The following CMTM4 variants were observed in gnomAD, a reference collection of about 807,000 sequenced individuals.
CMTM4 encodes CKLF-like MARVEL transmembrane domain-containing protein 4.
A neutral mutation model predicts 19.0 loss-of-function variants in CMTM4; 8 were observed. The observed-to-expected ratio is 0.42, with a 90% confidence interval of 0.25 to 0.76. The LOEUF is 0.76. CMTM4 is among the 30% of genes least tolerant of loss of function. CMTM4 has a pLI of 0.27. For missense variants in CMTM4, 228 were observed against 290.2 expected, an observed-to-expected ratio of 0.79 and a Z score of 1.56; for synonymous variants, 106 against 121.1, an observed-to-expected ratio of 0.88 and a Z score of 0.82.
chr16:66,609,623 G>C, the CMTM4 span: 4 of 1,512,930 alleles, frequency 2.6e-6, no homozygotes, highest in Non-Finnish European at 2.7e-6. The surrounding 1 kb of genome is among the most constrained non-coding windows in gnomAD (Gnocchi z 4.4). Flanking sequence ...CCCTGCTGGG[G>C]CCCCCCTGGG....
chr16:66,618,741 G>A lies in CMTM4; in HGVS notation c.*3317C>T. ...CCACAGATGTAACTGCAAACTTGAAGAGAGTCAGAATGTTTTCAACTGAGT... is the reference window on the plus strand; with the variant it reads ...CCACAGATGTAACTGCAAACTTGAAAAGAGTCAGAATGTTTTCAACTGAGT... On this transcript the variant is annotated 3_prime_UTR_variant, in exon 4 of 4. Coordinates refer to ENST00000394106, the MANE Select transcript of CMTM4 (RefSeq NM_181521.3). 1.0e-6 allele frequency: 1 copy of A among 985,526 alleles called. No homozygotes were observed. 61.0% of individuals were successfully genotyped at this position (985,526 alleles called of 1,614,324 possible).
At chr16:66,610,045 G>C, downstream of CMTM4, 1 of 1,606,360 alleles carries the variant, frequency 6.2e-7, no homozygotes, top group South Asian at 1.1e-5. The surrounding 1 kb of genome is among the most constrained non-coding windows in gnomAD (Gnocchi z 4.6). Flanking sequence ...CTGCAACAGG[G>C]GCCTGCCCTC....
At chr16:66,673,210 CT>C (rs35208363) in intron 1 of CMTM4, among the ~76,000 whole-genome samples, 13,185 of 127,716 alleles carry the variant, frequency 0.1, 733 homozygotes, top group East Asian at 0.25. Flanking sequence ...CACACCCAGT[CT>C]TTTTTTTTTT....
chr16:66,694,941 G>T (rs2017204307), intron 1 of CMTM4, among the ~76,000 whole-genome samples: 1 of 152,114 alleles, frequency 6.6e-6, no homozygotes, highest in Non-Finnish European at 1.5e-5. Flanking sequence ...TTTCACCCAA[G>T]AGAGACATAA....
chr16:66,681,146 T>C (rs948925127), intron 1 of CMTM4, among the ~76,000 whole-genome samples: 69 of 152,112 alleles, frequency 4.5e-4, no homozygotes, highest in Non-Finnish European at 7.2e-4. Context: ...TCCTAGTACT[T>C]TGGGAGGCTG....
intron 1 of CMTM4, among the ~76,000 whole-genome samples, chr16:66,683,098 A>G (rs886778382): frequency 4.2e-5 from 6 of 143,856 alleles, no homozygotes; most frequent in Non-Finnish European, 9.0e-5. Context: ...TCCACCTCAA[A>G]TAGAGTCTAG....
intron 1 of CMTM4, among the ~76,000 whole-genome samples, chr16:66,655,006 G>A (rs1380635090): frequency 6.6e-6 from 1 of 151,946 alleles, no homozygotes. Flanking sequence ...GTTTCGGGGG[G>A]CTTTTTTGAG....
chr16:66,671,108 A>G (rs1339397436), intron 1 of CMTM4, among the ~76,000 whole-genome samples: 1 of 152,322 alleles, frequency 6.6e-6, no homozygotes, highest in African/African-American at 2.4e-5. Flanking sequence ...ACTGATATTT[A>G]TATTACAGAC....
Position 66,634,206 on chromosome 16 carries a change from G to A in CMTM4, c.363+2199C>T, listed in dbSNP as rs146423711. Among the ~76,000 whole-genome samples the A allele has an allele frequency of 8.3e-3, 1,270 of 152,276 alleles. 17 individuals carry two copies. Among genetic ancestry groups the A allele is most frequent in the African/African-American group, 0.029 (1,218 of 41,552 alleles). On this transcript the variant is annotated intron_variant, in intron 2 of 3. Transcript: ENST00000394106. Reference sequence around the variant, plus strand: ...TGTAATCCCAGCACTTTGGGAGGCTGAGGTGGGTGGATCACCTGAGGTCAG... The same window carrying A: ...TGTAATCCCAGCACTTTGGGAGGCTAAGGTGGGTGGATCACCTGAGGTCAG...
Position 66,617,226 on chromosome 16 carries a change from C to T in CMTM4, c.*4832G>A, listed in dbSNP as rs762354497. Reference sequence around the variant, plus strand: ...TAAAAAAACAAACATAGACAACAAACTTACCCTATGAAATAGATACACAGT... The same window carrying T: ...TAAAAAAACAAACATAGACAACAAATTTACCCTATGAAATAGATACACAGT... On this transcript the variant is annotated 3_prime_UTR_variant, in exon 4 of 4. Transcript: ENST00000394106. 4 of 1,571,922 alleles carry T rather than the reference C, an allele frequency of 2.5e-6. No individual in the cohort carries two copies. Among genetic ancestry groups the T allele is most frequent in the Non-Finnish European group, 3.5e-6 (4 of 1,149,232 alleles).
chr16:66,673,193 G>C (rs2016745864), intron 1 of CMTM4, among the ~76,000 whole-genome samples: 1 of 142,350 alleles, frequency 7.0e-6, no homozygotes, highest in Non-Finnish European at 1.5e-5. Flanking sequence ...TCACAGATGT[G>C]AGCCACCACA....
chr16:66,645,062 T>C (rs1030985888), intron 1 of CMTM4, among the ~76,000 whole-genome samples: 15 of 151,860 alleles, frequency 9.9e-5, no homozygotes, highest in African/African-American at 2.9e-4. Context: ...GGTAGGCGGA[T>C]CACCTGAGGT....
At chr16:66,626,686 C>A (rs985810499) in intron 2 of CMTM4, among the ~76,000 whole-genome samples, 1 of 150,980 alleles carries the variant, frequency 6.6e-6, no homozygotes, top group African/African-American at 2.4e-5. Context: ...AGAAGAACTG[C>A]GTGAATCCAG....
At chr16:66,651,792 T>C (rs547383244) in intron 1 of CMTM4, among the ~76,000 whole-genome samples, 2 of 152,314 alleles carry the variant, frequency 1.3e-5, no homozygotes, top group Admixed American at 6.5e-5. Context: ...ATGAGTTTTT[T>C]CCCCTCCCAA....
Position 66,621,795 on chromosome 16 carries a change from T to C in CMTM4, c.*263A>G, listed in dbSNP as rs1056316511. 2.5e-5 allele frequency: 33 copies of C among 1,299,132 alleles called. No individual in the cohort carries two copies. Among genetic ancestry groups the C allele is most frequent in the Non-Finnish European group, 3.2e-5 (33 of 1,018,018 alleles). 80.5% of individuals were successfully genotyped at this position (1,299,132 alleles called of 1,614,324 possible). A position where few individuals can be genotyped will look rare whatever the true frequency, so the allele number is the denominator to read the frequency against. ...GTGGCTCAGAGTCAAAGGAAGCCTG[T>C]GCTTCAGGGCAGGTAAGACCTCAAG... On this transcript the variant is annotated 3_prime_UTR_variant, in exon 4 of 4. Transcript: ENST00000394106.
chr16:66,649,011 G>A (rs2016259253), intron 1 of CMTM4, among the ~76,000 whole-genome samples: 1 of 152,060 alleles, frequency 6.6e-6, no homozygotes, highest in East Asian at 1.9e-4. Flanking sequence ...AAAGAAAAGA[G>A]AAATCTTAGC....
At chr16:66,610,156 G>GCA (rs531022380), downstream of CMTM4, 2,284 of 942,028 alleles carry the variant, frequency 2.4e-3, 5 homozygotes, top group Non-Finnish European at 3.1e-3. This position sits in a 1 kb window ranked among gnomAD's most constrained non-coding sequence, Gnocchi z 4.6. Context: ...CCCTCATGCA[G>GCA]CACTGATCCA....
intron 2 of CMTM4, among the ~76,000 whole-genome samples, chr16:66,635,405 A>G (rs1331698935): frequency 6.6e-6 from 1 of 152,212 alleles, no homozygotes; most frequent in Non-Finnish European, 1.5e-5. Flanking sequence ...GACAACCCAG[A>G]GAGCACCTGT....
At chr16:66,653,786 G>A (rs1290523528) in intron 1 of CMTM4, among the ~76,000 whole-genome samples, 1 of 152,196 alleles carries the variant, frequency 6.6e-6, no homozygotes, top group East Asian at 1.9e-4. Flanking sequence ...CCAGGCTGCA[G>A]TGTAGTGAGC....
Sources: allele counts gnomAD v4.1 joint callset (sites outside exome capture counted in the v4.1 genomes callset), GRCh38; gene constraint gnomAD v4.1.1; non-coding constraint Gnocchi (gnomAD v3.1); transcripts MANE v1.5; gene names NCBI Gene and HGNC (gene_info 2026-07-23, HGNC 2026-07-21).